DYSF: variants seen among roughly 807,000 people sequenced by gnomAD.
The protein encoded by DYSF is dystrophy-associated fer-1-like 1.
Under a neutral mutation model 274.9 loss-of-function variants are expected in DYSF, and 212 were observed. The observed-to-expected ratio is 0.77, with a 90% CI of 0.69 to 0.86. DYSF has a LOEUF of 0.86. Ranked by LOEUF, DYSF falls within the 40% of genes least tolerant of loss-of-function variation. DYSF has a pLI of 0.00. For missense variants in DYSF, 2,666 were observed against 2,783.2 expected, an observed-to-expected ratio of 0.96 and a Z score of 0.95; for synonymous variants, 1,091 against 1,078.7, an observed-to-expected ratio of 1.01 and a Z score of -0.22.
At chr2:71,596,941 C>T (rs947230688) in intron 32 of DYSF, among the ~76,000 whole-genome samples, 2 of 152,226 alleles carry the variant, frequency 1.3e-5, no homozygotes, top group African/African-American at 4.8e-5. Flanking sequence ...ACCTTGGATC[C>T]TGCTCTCTCC....
chr2:71,536,055 T>G (rs983110239), intron 16 of DYSF, among the ~76,000 whole-genome samples: 14 of 152,188 alleles, frequency 9.2e-5, no homozygotes, highest in African/African-American at 3.4e-4. Flanking sequence ...TTCCAAAGCC[T>G]GCGTTCCTAA....
chr2:71,476,807 C>A (rs959770691), intron 1 of DYSF, among the ~76,000 whole-genome samples: 2 of 146,236 alleles, frequency 1.4e-5, no homozygotes, highest in African/African-American at 2.5e-5. Context: ...GCTTAAGTGA[C>A]AAACCGAACT....
intron 50 of DYSF, 121 bp downstream of exon 50, chr2:71,669,328 G>T: frequency 1.1e-6 from 1 of 944,446 alleles, no homozygotes; most frequent in South Asian, 1.4e-5. Context: ...CTTCCAACGA[G>T]GGCTCCTGGG....
In DYSF at chr2:71,516,936, G is replaced by A. The variant is rs2086717367; in HGVS notation, c.952-53G>A. 7.0e-6 allele frequency: 11 copies of A among 1,565,278 alleles called. No individual in the cohort carries two copies. In the East Asian group the frequency reaches 1.3e-4, roughly 19 times the overall value. On this transcript the variant is annotated intron_variant, in intron 9 of 55. Transcript: ENST00000410020. ...GGAGGGAAGAGCTATTGGGTTGGCC[G>A]TGTGGGCCACATGTTCCCTGTGAAT...
chr2:71,657,086 G>C (rs1284163855), intron 43 of DYSF, among the ~76,000 whole-genome samples: 1 of 152,182 alleles, frequency 6.6e-6, no homozygotes, highest in Non-Finnish European at 1.5e-5. Context: ...AATATCAAAA[G>C]TAAGGTAGTT....
chr2:71,665,167 G>C lies in DYSF; in HGVS notation c.5180G>C (p.Gly1727Ala), dbSNP rs146153532. The change falls in exon 47 of 56, where the codon GGA becomes GCA. Residue 1727 changes from glycine to alanine, a missense_variant. By Grantham distance (60) the Gly-to-Ala change is moderately conservative. Coordinates refer to ENST00000410020, the MANE Select transcript of DYSF (RefSeq NM_001130987.2). ...CGLPQTYCVS[G>A]PNQWRDQLRP... ...GTCTTGTGCTTGCTCCTCAGCTCTGGACCGAACCAGTGGCGGGACCAGCTC... is the reference window on the plus strand; with the variant it reads ...GTCTTGTGCTTGCTCCTCAGCTCTGCACCGAACCAGTGGCGGGACCAGCTC... The C allele has an allele frequency of 1.7e-5, 28 of 1,613,674 alleles. No homozygotes were observed. Among genetic ancestry groups the C allele is most frequent in the Non-Finnish European group, 2.3e-5 (27 of 1,180,042 alleles).
chr2:71,529,518 A>T (rs1316936806), intron 14 of DYSF, among the ~76,000 whole-genome samples: 1 of 152,232 alleles, frequency 6.6e-6, no homozygotes, highest in Non-Finnish European at 1.5e-5. Flanking sequence ...AACTCAGAGT[A>T]GTTGATGTTC....
intron 1 of DYSF, among the ~76,000 whole-genome samples, chr2:71,467,421 G>A (rs1037896029): frequency 2.6e-5 from 4 of 152,172 alleles, no homozygotes; most frequent in African/African-American, 2.4e-5. Context: ...AGTAGGAAAA[G>A]GAACAGAATA....
chr2:71,543,019 C>T (rs1303641916), intron 17 of DYSF, among the ~76,000 whole-genome samples: 3 of 151,042 alleles, frequency 2.0e-5, no homozygotes, highest in South Asian at 4.2e-4. Flanking sequence ...ACCTCCCTCC[C>T]GGATGGGGTG....
intron 13 of DYSF, among the ~76,000 whole-genome samples, chr2:71,527,079 G>A (rs140393736): frequency 1.6e-3 from 247 of 152,332 alleles, no homozygotes; most frequent in African/African-American, 5.8e-3. Context: ...TGGGCTGATA[G>A]TAGAATTCCC....
In DYSF at chr2:71,549,303, C is replaced by A. The variant is rs867579532; in HGVS notation, c.1577-1738C>A. ...GCCTGTTCATGTAACCCGTCCTTCT[C>A]CCAGCCATGCCCACCCTAACCCCTT... On this transcript the variant is annotated intron_variant, in intron 17 of 55. Transcript: ENST00000410020. The A allele has an allele frequency of 4.4e-6, 7 of 1,594,532 alleles. No homozygotes were observed. The Middle Eastern group carries it at 1.0e-3, about 227-fold the overall frequency.
intron 41 of DYSF, among the ~76,000 whole-genome samples, chr2:71,631,925 G>T (rs2094321164): frequency 6.6e-6 from 1 of 152,072 alleles, no homozygotes; most frequent in African/African-American, 2.4e-5. Flanking sequence ...AGGAGGCCCT[G>T]GCTTCCACCA....
intron 44 of DYSF, 65 bp downstream of exon 44, chr2:71,659,098 C>T (rs2094830783): frequency 1.9e-6 from 3 of 1,604,782 alleles, no homozygotes; most frequent in South Asian, 2.2e-5. Flanking sequence ...GCCTATAGAA[C>T]CTGGACACAA....
At chr2:71,598,779 C>G in intron 33 of DYSF, 34 bp downstream of exon 33, 1 of 1,604,590 alleles carries the variant, frequency 6.2e-7, no homozygotes, top group Non-Finnish European at 8.5e-7. Context: ...CGTCCCCTCA[C>G]AGGGAGGGAC....
At chr2:71,527,536 G>A (rs1358249246) in intron 13 of DYSF, among the ~76,000 whole-genome samples, 2 of 152,160 alleles carry the variant, frequency 1.3e-5, no homozygotes, top group African/African-American at 4.8e-5. Context: ...AAATAGAAAT[G>A]TTTGCTTTTC....
At chr2:71,580,754 C>T (rs1223553290) in intron 30 of DYSF, among the ~76,000 whole-genome samples, 9 of 152,236 alleles carry the variant, frequency 5.9e-5, no homozygotes, top group East Asian at 1.9e-4. Flanking sequence ...GCAGAGGCCT[C>T]GCTGCTCTTC....
intron 2 of DYSF, 114 bp downstream of exon 2, chr2:71,481,052 A>G: frequency 9.2e-7 from 1 of 1,083,194 alleles, no homozygotes; most frequent in African/African-American, 1.6e-5. Flanking sequence ...TGAGGTGGGG[A>G]GGGGCTGGTG....
At position 71,644,057 on chromosome 2, in the gene DYSF, C is replaced by T. The variant is rs775749086; in HGVS notation, c.4620C>T (p.Thr1540=). The T allele has an allele frequency of 3.7e-6, 6 of 1,609,616 alleles. No homozygotes were observed. Among genetic ancestry groups the T allele is most frequent in the Non-Finnish European group, 5.1e-6 (6 of 1,177,842 alleles). Residue 1540 remains threonine, a synonymous_variant, in exon 42 of 56, where the codon ACC becomes ACT. Transcript: ENST00000410020. ...CGSYLEKDFD[T]LKVYDTQLEN... The stretch of plus-strand genomic sequence containing the variant: ...CCTACCTGGAGAAGGATTTTGACAC[C>T]CTGAAGGTAAGGCCTCTCTTCAGTC...
chr2:71,561,401 CT>C (rs1305807541), intron 22 of DYSF, among the ~76,000 whole-genome samples: 2 of 152,174 alleles, frequency 1.3e-5, no homozygotes, highest in Non-Finnish European at 2.9e-5. Context: ...GCAGGACCCC[CT>C]GGGCCCTCCG....
Sources: allele counts gnomAD v4.1 joint callset (sites outside exome capture counted in the v4.1 genomes callset), GRCh38; gene constraint gnomAD v4.1.1; transcripts MANE v1.5; gene names NCBI Gene and HGNC (gene_info 2026-07-23, HGNC 2026-07-21).